The following CDON variants were observed in gnomAD, a reference collection of about 807,000 sequenced individuals.
CDON encodes cell adhesion molecule-related/down-regulated by oncogenes.
A neutral mutation model predicts 120.9 loss-of-function variants in CDON; 73 were observed. The ratio of observed to expected loss-of-function variants is 0.60; its 90% CI spans 0.50 to 0.73. The LOEUF is 0.73. Among genes scored for constraint, CDON ranks in the 30% least tolerant of loss-of-function variants. The probability of loss-of-function intolerance (pLI) is 0.00; values close to 1 mark genes in which losing one functional copy is unlikely to be tolerated. For synonymous variants in CDON, 566 were observed against 573.5 expected (o/e 0.99, Z 0.19); for missense variants, 1,470 against 1,587.3 (o/e 0.93, Z 1.26).
At chr11:126,028,707 AATTTATTTATTTATTT>A (rs60571626) in intron 1 of CDON, among the ~76,000 whole-genome samples, 8 of 145,902 alleles carry the variant, frequency 5.5e-5, no homozygotes, top group South Asian at 2.2e-4. Flanking sequence ...AGCTGCGGAG[AATTTATTTATTTATTT>A]ATTTATTTAT....
chr11:126,006,208 GA>G (rs1393577247), intron 8 of CDON, 151 bp from the exon 9 acceptor site: 46 of 724,026 alleles, frequency 6.4e-5, no homozygotes, highest in Non-Finnish European at 1.1e-4. Context: ...ATAATTCATG[GA>G]AATGTTTAAC....
chr11:126,056,660 TTGTC>T (rs763394735), intron 1 of CDON, among the ~76,000 whole-genome samples: 25 of 152,344 alleles, frequency 1.6e-4, no homozygotes, highest in South Asian at 4.1e-4. Context: ...CTGAATCATC[TTGTC>T]TGTCTGTGAA....
chr11:126,027,391 T>C (rs543459792), intron 1 of CDON, among the ~76,000 whole-genome samples: 77 of 152,346 alleles, frequency 5.1e-4, no homozygotes, highest in Non-Finnish European at 7.8e-4. Context: ...CTTTCAATGG[T>C]ACATCATTTT....
chr11:125,989,650 G>T lies in CDON; in HGVS notation c.2760C>A (p.Ile920=). The change falls in exon 15 of 20, where the codon ATC becomes ATA. Residue 920 remains isoleucine (I), a synonymous_variant. Coordinates refer to ENST00000531738, the MANE Select transcript of CDON (RefSeq NM_001378964.1). ...GGESEFSNVM[I]CETKVKRVPG... is the part of the protein sequence containing the mutation. ...AAATTCTCCTACCTTTAGTCTCGCA[G>T]ATCATCACATTGCTAAATTCACTTT... 6.2e-7 allele frequency: 1 copy of T among 1,613,204 alleles called. No individual in the cohort carries two copies. The highest frequency in any genetic ancestry group is 1.1e-5 in the South Asian group (1 of 91,040).
intron 1 of CDON, among the ~76,000 whole-genome samples, chr11:126,025,743 TATC>T (rs1947775312): frequency 6.6e-6 from 1 of 152,018 alleles, no homozygotes; most frequent in African/African-American, 2.4e-5. Context: ...ATTGAATGCT[TATC>T]ATATGCTAAG....
At chr11:126,045,433 AAT>A (rs1461791579) in intron 1 of CDON, among the ~76,000 whole-genome samples, 6 of 152,200 alleles carry the variant, frequency 3.9e-5, no homozygotes, top group African/African-American at 7.2e-5. Flanking sequence ...AGACAAAGGA[AAT>A]ATAAAATAAA....
At chr11:125,984,867 A>G (rs1406715670) in intron 15 of CDON, among the ~76,000 whole-genome samples, 2 of 152,198 alleles carry the variant, frequency 1.3e-5, no homozygotes, top group Non-Finnish European at 2.9e-5. Context: ...TAGAAAAATG[A>G]CATTCCAAAA....
chr11:126,001,752 C>T lies in CDON; in HGVS notation c.2125G>A (p.Val709Met), dbSNP rs1445436822. 6.2e-7 allele frequency: 1 copy of T among 1,613,710 alleles called. No homozygotes were observed. Among genetic ancestry groups the T allele is most frequent in the Admixed American group, 1.7e-5 (1 of 60,024 alleles). ...VSEAANNNFGVVLTDSSRHSG... is the reference protein window; with the variant it reads ...VSEAANNNFGMVLTDSSRHSG... ...TGCCTAGAGGAATCTGTAAGTACCA[C>T]TCCAAAATTGTTGTTTGCAGCCTCT... is the stretch of plus-strand genomic sequence containing the variant. Residue 709 changes from valine (V) to methionine (M), a missense_variant, in exon 11 of 20, where the codon GTG becomes ATG. Transcript: ENST00000531738.
Position 126,062,688 on chromosome 11 carries a change from G to C in CDON, c.-171C>G, listed in dbSNP as rs572055047. 4 of 153,974 alleles carry C rather than the reference G, an allele frequency of 2.6e-5. No individual in the cohort carries two copies. In the East Asian group the frequency reaches 7.8e-4, roughly 30 times the overall value. The allele number at this position is 153,974 out of a possible 1,614,324, so 9.5% of individuals were successfully genotyped here. The stretch of plus-strand genomic sequence containing the variant: ...GCGCGGCGGCGGCTACGGTGGCGGC[G>C]GCTGCGATCCGAACGGGCCCCTCCA... On this transcript the variant is annotated 5_prime_UTR_variant, in exon 1 of 20. Coordinates refer to ENST00000531738, the MANE Select transcript of CDON (RefSeq NM_001378964.1).
chr11:125,964,621 G>A (rs1467458558), intron 18 of CDON, among the ~76,000 whole-genome samples: 1 of 151,992 alleles, frequency 6.6e-6, no homozygotes, highest in East Asian at 1.9e-4. Context: ...AAAAAAAAAG[G>A]TTACAATATA....
intron 9 of CDON, 38 bp downstream of exon 9, chr11:126,005,721 G>T (rs1947101539): frequency 6.3e-7 from 1 of 1,582,722 alleles, no homozygotes; most frequent in East Asian, 2.2e-5. Flanking sequence ...GAACGTTCAG[G>T]TGTGAGCCGA....
intron 1 of CDON, among the ~76,000 whole-genome samples, chr11:126,031,985 C>T (rs1457710368): frequency 6.6e-6 from 1 of 152,154 alleles, no homozygotes; most frequent in Non-Finnish European, 1.5e-5. Flanking sequence ...AATGTGCTTT[C>T]ACTGCTCCAT....
At chr11:126,021,557 G>A in intron 2 of CDON, 37 bp from the exon 3 acceptor site, 2 of 1,591,956 alleles carry the variant, frequency 1.3e-6, no homozygotes, top group South Asian at 2.2e-5. Flanking sequence ...AAGAAAGCAG[G>A]GGAGAAAAGA....
chr11:126,040,107 A>G (rs1948215171), intron 1 of CDON, among the ~76,000 whole-genome samples: 1 of 152,238 alleles, frequency 6.6e-6, no homozygotes, highest in Non-Finnish European at 1.5e-5. Context: ...ATAAATAAGT[A>G]AAAGAGCTAG....
At position 125,981,378 on chromosome 11, in the gene CDON, G is replaced by A. The variant is rs540529156; in HGVS notation, c.2996-49C>T. On this transcript the variant is annotated intron_variant, in intron 16 of 19. Transcript: ENST00000531738. ...CACACACGCACACACACACACGCAC[G>A]CACACATGCACATACGCACACACGC... 8.2e-5 allele frequency: 127 copies of A among 1,544,720 alleles called. No individual in the cohort carries two copies. The Middle Eastern group carries it at 8.7e-4, about 11-fold the overall frequency.
At chr11:126,032,345 A>C (rs1000661587) in intron 1 of CDON, among the ~76,000 whole-genome samples, 32 of 152,036 alleles carry the variant, frequency 2.1e-4, no homozygotes, top group Admixed American at 1.8e-3. Flanking sequence ...CTCAAGCAGA[A>C]GGAACAGTGT....
chr11:126,041,090 G>A (rs1459931087), intron 1 of CDON, among the ~76,000 whole-genome samples: 2 of 151,136 alleles, frequency 1.3e-5, no homozygotes, highest in Non-Finnish European at 2.9e-5. Context: ...TCAGGAGGCT[G>A]AGGCAGGAGA....
intron 15 of CDON, among the ~76,000 whole-genome samples, chr11:125,986,530 C>G (rs1044972998): frequency 1.3e-5 from 2 of 152,122 alleles, no homozygotes; most frequent in African/African-American, 4.8e-5. Context: ...CTTTGGGAGG[C>G]GGAGCTGGGC....
intron 15 of CDON, among the ~76,000 whole-genome samples, chr11:125,984,970 T>C (rs375548798): frequency 6.6e-6 from 1 of 152,092 alleles, no homozygotes; most frequent in African/African-American, 2.4e-5. Context: ...TTCTGGGTAA[T>C]AGCGATAACG....
Sources: gnomAD v4.1 joint callset for allele counts (sites outside exome capture counted in the v4.1 genomes callset) on GRCh38, gnomAD v4.1.1 for gene constraint, MANE v1.5 for transcripts, NCBI Gene and HGNC (gene_info 2026-07-23, HGNC 2026-07-21) for gene names.